The following ANKRD30BL variants were observed in gnomAD, a reference collection of about 807,000 sequenced individuals.
The protein encoded by ANKRD30BL is ankyrin repeat domain 30B like, also known as putative ankyrin repeat domain-containing protein 30B-like.
Under a neutral mutation model 18.4 loss-of-function variants are expected in ANKRD30BL, and 20 were observed. The observed-to-expected ratio is 1.09, with a 90% CI of 0.77 to 1.58. The LOEUF is 1.58. Among genes scored for constraint, ANKRD30BL ranks in the 40% most tolerant of loss-of-function variants. The pLI, the probability that ANKRD30BL is intolerant of heterozygous loss-of-function variation, is 0.00. For synonymous variants in ANKRD30BL, 72 were observed against 100.9 expected (o/e 0.71, Z 1.72); for missense variants, 224 against 268.6 (o/e 0.83, Z 1.16).
At chr2:132,236,629 A>C (rs540945846) in intron 1 of ANKRD30BL, among the ~76,000 whole-genome samples, 93 of 152,200 alleles carry the variant, frequency 6.1e-4, no homozygotes, top group African/African-American at 2.2e-3. Flanking sequence ...GAAACAACAC[A>C]TGCTGGAGAC....
At chr2:132,252,528 C>T (rs999260477) in intron 1 of ANKRD30BL, among the ~76,000 whole-genome samples, 2 of 34,446 alleles carry the variant, frequency 5.8e-5, no homozygotes, top group Non-Finnish European at 1.1e-4. Context: ...CGTGACGTGC[C>T]GGGCGGGTGG....
intron 1 of ANKRD30BL, among the ~76,000 whole-genome samples, chr2:132,220,789 G>T (rs375372519): frequency 4.8e-5 from 7 of 147,004 alleles, no homozygotes; most frequent in Non-Finnish European, 1.5e-5. Context: ...CCGCCACCCC[G>T]TCTGGGAAGT....
At chr2:132,201,928 G>A (rs1679107076) in intron 1 of ANKRD30BL, among the ~76,000 whole-genome samples, 1 of 152,228 alleles carries the variant, frequency 6.6e-6, no homozygotes, top group South Asian at 2.1e-4. Flanking sequence ...TTAAGAAAAT[G>A]TGGCACATAT....
intron 1 of ANKRD30BL, among the ~76,000 whole-genome samples, chr2:132,219,841 G>C (rs1679620101): frequency 6.6e-6 from 1 of 152,080 alleles, no homozygotes; most frequent in Non-Finnish European, 1.5e-5. Context: ...ATAAACACTA[G>C]ACAGAATTAT....
intron 1 of ANKRD30BL, among the ~76,000 whole-genome samples, chr2:132,216,285 C>T (rs1484632970): frequency 6.6e-6 from 1 of 152,044 alleles, no homozygotes; most frequent in African/African-American, 2.4e-5. Flanking sequence ...AGTCTTGAAA[C>T]TCTCTTTTTG....
chr2:132,224,420 C>A (rs1445880358), intron 1 of ANKRD30BL, among the ~76,000 whole-genome samples: 1 of 152,070 alleles, frequency 6.6e-6, no homozygotes, highest in Non-Finnish European at 1.5e-5. Context: ...TTTGTAGAAT[C>A]TGCAAGTGGA....
chr2:132,219,758 C>T (rs1380108059), intron 1 of ANKRD30BL, among the ~76,000 whole-genome samples: 2 of 152,094 alleles, frequency 1.3e-5, no homozygotes, highest in African/African-American at 2.4e-5. Flanking sequence ...TTTTGAAACA[C>T]TCTTTCTGTA....
chr2:132,198,769 C>T (rs1026295964), intron 1 of ANKRD30BL, among the ~76,000 whole-genome samples: 3 of 152,070 alleles, frequency 2.0e-5, no homozygotes, highest in African/African-American at 7.2e-5. Context: ...AGGCGCCCAC[C>T]ACCATGCACA....
At chr2:132,208,164 T>C (rs1481796150) in intron 1 of ANKRD30BL, among the ~76,000 whole-genome samples, 3 of 152,240 alleles carry the variant, frequency 2.0e-5, no homozygotes, top group East Asian at 3.9e-4. Flanking sequence ...TGCAGGCCTC[T>C]GTAGTCCAAA....
At chr2:132,154,436 A>G (rs1460047931) in intron 4 of ANKRD30BL, among the ~76,000 whole-genome samples, 2 of 152,220 alleles carry the variant, frequency 1.3e-5, no homozygotes, top group African/African-American at 2.4e-5. Flanking sequence ...TCAGATTAAA[A>G]ATAAGAATCA....
At chr2:132,220,936 C>T (rs1245303325) in intron 1 of ANKRD30BL, among the ~76,000 whole-genome samples, 1 of 151,982 alleles carries the variant, frequency 6.6e-6, no homozygotes, top group Admixed American at 6.6e-5. Flanking sequence ...TTCCCGGCCG[C>T]CATCCCATCT....
chr2:132,232,119 A>C (rs1373010486), intron 1 of ANKRD30BL, among the ~76,000 whole-genome samples: 4 of 152,206 alleles, frequency 2.6e-5, no homozygotes, highest in Non-Finnish European at 5.9e-5. Context: ...CCTGCAGCTA[A>C]GGGTCCTGTC....
chr2:132,241,224 T>C (rs1216699517), intron 1 of ANKRD30BL, among the ~76,000 whole-genome samples: 1 of 152,088 alleles, frequency 6.6e-6, no homozygotes, highest in Non-Finnish European at 1.5e-5. Flanking sequence ...TTGTGATGTG[T>C]GTACTCAACT....
At chr2:132,185,091 C>T (rs767621850) in intron 1 of ANKRD30BL, among the ~76,000 whole-genome samples, 3 of 152,180 alleles carry the variant, frequency 2.0e-5, no homozygotes, top group Non-Finnish European at 4.4e-5. Flanking sequence ...GGATTACAGG[C>T]GTGAGCCACT....
chr2:132,253,595 A>G (rs13427425), intron 1 of ANKRD30BL, among the ~76,000 whole-genome samples: 25,799 of 152,090 alleles, frequency 0.17, 4,788 homozygotes, highest in African/African-American at 0.46. Context: ...GCCCCCACCG[A>G]CATCAGTGGC....
intron 1 of ANKRD30BL, among the ~76,000 whole-genome samples, chr2:132,170,448 G>A (rs1352213781): frequency 6.6e-6 from 1 of 152,184 alleles, no homozygotes; most frequent in Non-Finnish European, 1.5e-5. Context: ...CAAACTTCCC[G>A]AGGCTCCACC....
chr2:132,150,800 T>C (rs1358418857), intron 5 of ANKRD30BL, 112 bp downstream of exon 5: 1 of 429,016 alleles, frequency 2.3e-6, no homozygotes, highest in Non-Finnish European at 4.1e-6. Context: ...TATAGGTCTA[T>C]ATGTAAACAC....
At chr2:132,211,070 C>T (rs868119621) in intron 1 of ANKRD30BL, among the ~76,000 whole-genome samples, 5 of 151,252 alleles carry the variant, frequency 3.3e-5, no homozygotes, top group Middle Eastern at 3.2e-3. Flanking sequence ...AAAAACTAGA[C>T]AGAGGCATTT....
intron 1 of ANKRD30BL, among the ~76,000 whole-genome samples, chr2:132,235,766 A>T (rs559200908): frequency 6.6e-6 from 1 of 152,266 alleles, no homozygotes; most frequent in East Asian, 1.9e-4. Context: ...ATACTGCCCA[A>T]GGTAATTTAC....
Sources: gnomAD v4.1 joint callset for allele counts (sites outside exome capture counted in the v4.1 genomes callset) on GRCh38, gnomAD v4.1.1 for gene constraint, MANE v1.5 for transcripts, NCBI Gene and HGNC (gene_info 2026-07-23, HGNC 2026-07-21) for gene names.